Variants in NTM observed in about 807,000 individuals in gnomAD.
The protein encoded by NTM is IgLON family member 2.
A neutral mutation model predicts 42.1 loss-of-function variants in NTM; 13 were observed. The observed-to-expected ratio is 0.31, with a 90% CI of 0.20 to 0.49. The LOEUF is 0.49. NTM is among the 20% of genes least tolerant of loss of function. The probability of loss-of-function intolerance (pLI) is 0.99; values close to 1 mark genes in which losing one functional copy is unlikely to be tolerated. For synonymous variants in NTM, 187 were observed against 179.2 expected (o/e 1.04, Z -0.35); for missense variants, 373 against 452.8 (o/e 0.82, Z 1.60).
intron 3 of NTM, among the ~76,000 whole-genome samples, chr11:132,154,165 T>C (rs755605749): frequency 2.0e-5 from 3 of 152,188 alleles, no homozygotes; most frequent in Non-Finnish European, 2.9e-5. Flanking sequence ...CAGTTTCAGG[T>C]GGAACCAGAT....
intron 2 of NTM, among the ~76,000 whole-genome samples, chr11:132,023,417 T>C (rs1461868683): frequency 6.6e-6 from 1 of 152,190 alleles, no homozygotes; most frequent in East Asian, 1.9e-4. Context: ...GCTGTGAAAT[T>C]GAGCCTTCTG....
chr11:132,147,562 C>CT (rs869133138), intron 3 of NTM, among the ~76,000 whole-genome samples: 1 of 140,932 alleles, frequency 7.1e-6, no homozygotes, highest in African/African-American at 2.7e-5. Context: ...TTTCTTTTCT[C>CT]TTTTTTAGGA....
chr11:131,907,847 CTAAG>C (rs2054088736), intron 1 of NTM, among the ~76,000 whole-genome samples: 1 of 152,150 alleles, frequency 6.6e-6, no homozygotes, highest in South Asian at 2.1e-4. Flanking sequence ...AGATAAGCCA[CTAAG>C]TGTTGGTCAT....
At chr11:131,504,800 C>T (rs913310598) in intron 1 of NTM, among the ~76,000 whole-genome samples, 2 of 152,210 alleles carry the variant, frequency 1.3e-5, no homozygotes, top group South Asian at 2.1e-4. Context: ...ATCCATCAGC[C>T]GTCCACCCCC....
At chr11:131,468,136 C>A (rs1952069986) in intron 1 of NTM, among the ~76,000 whole-genome samples, 1 of 152,196 alleles carries the variant, frequency 6.6e-6, no homozygotes, top group African/African-American at 2.4e-5. Context: ...CCTTGGCTGG[C>A]AGGTGCACAG....
intron 1 of NTM, among the ~76,000 whole-genome samples, chr11:131,707,466 G>T (rs2076704097): frequency 6.6e-6 from 1 of 152,046 alleles, no homozygotes; most frequent in African/African-American, 2.4e-5. Context: ...GAGATTGCAG[G>T]TATCTCTTCA....
At chr11:132,206,303 C>G (rs374057540) in intron 3 of NTM, among the ~76,000 whole-genome samples, 2 of 152,214 alleles carry the variant, frequency 1.3e-5, no homozygotes, top group African/African-American at 4.8e-5. Flanking sequence ...GCATTCACGC[C>G]CTTCCATCAT....
At chr11:132,311,056 C>A (rs1263216441) in intron 6 of NTM, among the ~76,000 whole-genome samples, 1 of 151,950 alleles carries the variant, frequency 6.6e-6, no homozygotes, top group Non-Finnish European at 1.5e-5. Flanking sequence ...GGAGTAAGAG[C>A]AAGGAGTGGG....
intron 6 of NTM, among the ~76,000 whole-genome samples, chr11:132,311,977 CTTT>C: frequency 2.4e-5 from 1 of 41,874 alleles, no homozygotes; most frequent in Non-Finnish European, 3.8e-5. Context: ...TTGTTTCTGT[CTTT>C]CTTTCAGTTC....
At chr11:131,655,624 C>T (rs540909551) in intron 1 of NTM, among the ~76,000 whole-genome samples, 2 of 152,288 alleles carry the variant, frequency 1.3e-5, no homozygotes, top group East Asian at 1.9e-4. Flanking sequence ...CAGCCCCTGC[C>T]GGGTCCATTC....
At chr11:131,482,759 A>G (rs1265632668) in intron 1 of NTM, among the ~76,000 whole-genome samples, 1 of 152,196 alleles carries the variant, frequency 6.6e-6, no homozygotes, top group Non-Finnish European at 1.5e-5. Flanking sequence ...GGGAGAGTGG[A>G]TAGACAGAGA....
At chr11:132,176,722 GTTTT>G (rs148699196) in intron 3 of NTM, among the ~76,000 whole-genome samples, 4 of 82,004 alleles carry the variant, frequency 4.9e-5, no homozygotes, top group African/African-American at 9.6e-5. Context: ...CATGCCTAAA[GTTTT>G]TTTTTTTTTT....
chr11:131,598,751 CTTTCTTCT>C lies in NTM; in HGVS notation c.82+227866_82+227873del, dbSNP rs1274771167. On this transcript the variant is annotated intron_variant, in intron 1 of 8. Transcript: ENST00000683400. The stretch of plus-strand genomic sequence containing the variant: ...TCTTTCTTTCTTTCTTTCTTTCTTT[CTTTCTTCT>C]TTCTTTTTTTCTTTCTTTCTTTCTT... 2.9e-5 allele frequency among the ~76,000 whole-genome samples: 2 copies of C among 68,706 alleles called. 1 individual carries two copies. The highest frequency in any genetic ancestry group is 3.2e-4 in the Admixed American group (2 of 6,272). 45.1% of individuals were successfully genotyped at this position (68,706 alleles called of 152,430 possible).
At chr11:131,929,342 G>C (rs990906090) in intron 2 of NTM, among the ~76,000 whole-genome samples, 5 of 152,202 alleles carry the variant, frequency 3.3e-5, no homozygotes, top group South Asian at 2.1e-4. Context: ...ACATGTGGGC[G>C]GGGCCTGGTC....
chr11:131,729,690 G>A (rs1413004902), intron 1 of NTM, among the ~76,000 whole-genome samples: 1 of 152,032 alleles, frequency 6.6e-6, no homozygotes, highest in Non-Finnish European at 1.5e-5. Flanking sequence ...ATCAATATGT[G>A]GCCTTTTGTT....
At chr11:131,418,912 T>C (rs1412251744) in intron 1 of NTM, among the ~76,000 whole-genome samples, 2 of 152,178 alleles carry the variant, frequency 1.3e-5, no homozygotes, top group Admixed American at 6.5e-5. Context: ...TGGCGCCTCA[T>C]GAACACTTCA....
At chr11:132,010,759 T>G (rs2071988915) in intron 2 of NTM, among the ~76,000 whole-genome samples, 1 of 152,100 alleles carries the variant, frequency 6.6e-6, no homozygotes, top group Non-Finnish European at 1.5e-5. Flanking sequence ...GTAAAGCGTT[T>G]CCACTCTGCA....
At chr11:131,492,865 T>C (rs879612505) in intron 1 of NTM, among the ~76,000 whole-genome samples, 1 of 152,116 alleles carries the variant, frequency 6.6e-6, no homozygotes, top group Non-Finnish European at 1.5e-5. Context: ...AGTCTTAAGC[T>C]GCAAACTGTT....
At chr11:131,629,001 G>A (rs2063395676) in intron 1 of NTM, among the ~76,000 whole-genome samples, 1 of 152,218 alleles carries the variant, frequency 6.6e-6, no homozygotes, top group South Asian at 2.1e-4. Flanking sequence ...TGTGGTGTGG[G>A]TGGGGACCAA....
Sources: allele counts gnomAD v4.1 joint callset (sites outside exome capture counted in the v4.1 genomes callset), GRCh38; gene constraint gnomAD v4.1.1; transcripts MANE v1.5; gene names NCBI Gene and HGNC (gene_info 2026-07-23, HGNC 2026-07-21).